BMX: variants seen among roughly 807,000 people sequenced by gnomAD.
BMX encodes the protein BMX non-receptor tyrosine kinase.
A neutral mutation model predicts 59.2 loss-of-function variants in BMX; 31 were observed. The observed-to-expected ratio is 0.52, with a 90% CI of 0.39 to 0.71. The LOEUF is 0.71. Among genes scored for constraint, BMX ranks in the 30% least tolerant of loss-of-function variants. BMX has a pLI of 0.00. For missense variants in BMX, 474 were observed against 491.7 expected, an observed-to-expected ratio of 0.96 and a Z score of 0.34; for synonymous variants, 185 against 181.0, an observed-to-expected ratio of 1.02 and a Z score of -0.18.
rs756208089 is a variant in BMX, at chrX:15,522,391, T to A, written c.556T>A (p.Ser186Thr). ...TCCTGTTCTCAAAATGGATGCACCATCTTCAAGTACCACTCTAGCCCAATA... is the reference window on the plus strand; with the variant it reads ...TCCTGTTCTCAAAATGGATGCACCAACTTCAAGTACCACTCTAGCCCAATA... ...AVPVLKMDAP[S>T]SSTTLAQYDN... Residue 186 changes from serine to threonine, a missense_variant, in exon 7 of 19, where the codon TCT becomes ACT. Coordinates refer to ENST00000348343, the MANE Select transcript of BMX (RefSeq NM_203281.3). 8.3e-7 allele frequency: 1 copy of A among 1,211,878 alleles called. No homozygotes were observed. Among genetic ancestry groups the A allele is most frequent in the East Asian group, 3.0e-5 (1 of 33,846 alleles).
intron 3 of BMX, among the ~76,000 whole-genome samples, chrX:15,511,198 T>A (rs1923941965): frequency 8.9e-6 from 1 of 112,214 alleles, no homozygotes; most frequent in Admixed American, 9.4e-5. Context: ...GAACTCAGTG[T>A]TCACCACTAC....
intron 11 of BMX, among the ~76,000 whole-genome samples, chrX:15,533,083 T>A (rs748797019): frequency 2.6e-4 from 29 of 112,832 alleles, no homozygotes; most frequent in African/African-American, 9.0e-4. Flanking sequence ...GAGTGAATTG[T>A]ATGCTGACAC....
chrX:15,512,049 G>A (rs912569796), intron 4 of BMX, among the ~76,000 whole-genome samples: 1 of 111,827 alleles, frequency 8.9e-6, no homozygotes, highest in African/African-American at 3.3e-5. Flanking sequence ...TTAAAACATG[G>A]CCACTGTCAT....
intron 14 of BMX, among the ~76,000 whole-genome samples, chrX:15,539,984 G>T (rs182380081): frequency 2.5e-3 from 285 of 112,383 alleles, no homozygotes; most frequent in African/African-American, 8.8e-3. Flanking sequence ...CTGTTGGTGG[G>T]AGTGTAAATT....
Position 15,536,376 on chromosome X carries a change from C to G in BMX, c.1171C>G (p.Pro391Ala), listed in dbSNP as rs754941859. The change falls in exon 13 of 19, where the codon CCT (proline) becomes GCT (alanine). Residue 391 changes from proline (P) to alanine (A), a missense_variant. Coordinates refer to ENST00000348343, the MANE Select transcript of BMX (RefSeq NM_203281.3). ...SAGMITRLRH[P>A]VSTKANKVPD... ...AGGCATGATCACACGGCTCCGCCAC[C>G]CTGTGTCAACAAAGGCCAACAAGGT... is the stretch of plus-strand genomic sequence containing the variant. The G allele has an allele frequency of 8.3e-7, 1 of 1,206,945 alleles. No individual in the cohort carries two copies. The highest frequency in any genetic ancestry group is 1.1e-6 in the Non-Finnish European group (1 of 893,773).
chrX:15,547,804 T>A, intron 17 of BMX, among the ~76,000 whole-genome samples: 1 of 112,387 alleles, frequency 8.9e-6, no homozygotes, highest in Middle Eastern at 4.6e-3. Flanking sequence ...CTACATTTTA[T>A]GATATTTTTT....
chrX:15,522,305 G>A, intron 6 of BMX, 41 bp from the exon 7 acceptor site: 1 of 1,192,893 alleles, frequency 8.4e-7, no homozygotes, highest in Non-Finnish European at 1.1e-6. Context: ...ACCTGAATCT[G>A]TGCCTCACTG....
chrX:15,537,224 G>A lies in BMX; in HGVS notation c.1313G>A (p.Gly438Glu). 1 of 1,210,529 alleles carries A rather than the reference G, an allele frequency of 8.3e-7. No homozygotes were observed. The highest frequency in any genetic ancestry group is 1.8e-5 in the South Asian group (1 of 56,855). The change falls in exon 14 of 19, where the codon GGG (glycine) becomes GAG (glutamate). Residue 438 changes from glycine (G) to glutamate (E), a missense_variant. Gly to Glu is a moderately conservative substitution (Grantham distance 98). Transcript: ENST00000348343. Reference sequence around the variant, plus strand: ...GTGGTCCAGCTGGGCAAGTGGAAGGGGCAGTATGATGTTGCTGTTAAGATG... The same window carrying A: ...GTGGTCCAGCTGGGCAAGTGGAAGGAGCAGTATGATGTTGCTGTTAAGATG... ...FGVVQLGKWK[G>E]QYDVAVKMIK...
chrX:15,514,417 A>G (rs1404499247), intron 4 of BMX, among the ~76,000 whole-genome samples: 1 of 111,578 alleles, frequency 9.0e-6, no homozygotes, highest in African/African-American at 3.3e-5. Flanking sequence ...GGTGCTTTAC[A>G]TACATTATCT....
chrX:15,528,607 G>A (rs767046789), intron 9 of BMX, among the ~76,000 whole-genome samples: 6 of 110,730 alleles, frequency 5.4e-5, no homozygotes, highest in African/African-American at 1.6e-4. Flanking sequence ...GTAGTGAGCC[G>A]AGATCATACC....
rs368145616 is a variant in BMX at position 15,536,334 on chromosome X, G to T, written c.1148-19G>T. ...ATATGATATAATGATGTGATGATATGATGCTGATTCCATTGCAGGCATGAT... is the reference window on the plus strand; with the variant it reads ...ATATGATATAATGATGTGATGATATTATGCTGATTCCATTGCAGGCATGAT... On this transcript the variant is annotated intron_variant, in intron 12 of 18. Transcript: ENST00000348343. The T allele has an allele frequency of 8.7e-5, 105 of 1,200,380 alleles. No individual in the cohort carries two copies. The East Asian group carries it at 1.2e-3, about 14-fold the overall frequency.
At chrX:15,529,768 A>G (rs1450186248) in intron 9 of BMX, among the ~76,000 whole-genome samples, 2 of 112,093 alleles carry the variant, frequency 1.8e-5, no homozygotes, top group Non-Finnish European at 3.8e-5. Flanking sequence ...TTAGATGTGC[A>G]GACTCCACCC....
intron 18 of BMX, among the ~76,000 whole-genome samples, chrX:15,550,779 A>G (rs1926161219): frequency 9.1e-6 from 1 of 110,446 alleles, no homozygotes; most frequent in Non-Finnish European, 1.9e-5. Flanking sequence ...GGTTTTTGCC[A>G]TAACTTTCAA....
chrX:15,547,995 G>A (rs767968692), intron 17 of BMX, among the ~76,000 whole-genome samples: 46 of 111,069 alleles, frequency 4.1e-4, no homozygotes, highest in Non-Finnish European at 7.9e-4. Context: ...TTCTCTATGT[G>A]ACACAATTTT....
rs1923549147 is a variant in BMX, at chrX:15,500,932, G to A, written c.-18G>A. On this transcript the variant is annotated 5_prime_UTR_variant, in exon 1 of 19. Transcript: ENST00000348343. ...GCGGACCCAGGCAAGCACGGAACAA[G>A]CTGAGACGGTGCGTTTAAGCGGCAG... is the stretch of plus-strand genomic sequence containing the variant. 1.3e-6 allele frequency: 1 copy of A among 754,663 alleles called. No homozygotes were observed. The highest frequency in any genetic ancestry group is 1.6e-6 in the Non-Finnish European group (1 of 639,462). 62.2% of individuals were successfully genotyped at this position (754,663 alleles called of 1,213,427 possible).
intron 9 of BMX, among the ~76,000 whole-genome samples, chrX:15,527,283 T>TATATATACACAC (rs1285065649): frequency 4.6e-5 from 3 of 65,865 alleles, no homozygotes; most frequent in African/African-American, 1.3e-4. Flanking sequence ...TATATATATA[T>TATATATACACAC]ACACACACAC....
At chrX:15,512,799 T>TA (rs1924012459) in intron 4 of BMX, among the ~76,000 whole-genome samples, 1 of 112,058 alleles carries the variant, frequency 8.9e-6, no homozygotes, top group Non-Finnish European at 1.9e-5. Context: ...GTGGTTACTG[T>TA]AGGGCTTCTA....
intron 16 of BMX, among the ~76,000 whole-genome samples, chrX:15,545,453 C>T (rs780298106): frequency 4.4e-5 from 5 of 112,568 alleles, no homozygotes; most frequent in South Asian, 3.6e-4. Context: ...CAGTAGCCTG[C>T]CAGCACTTGG....
rs746640879 is a variant in BMX at position 15,522,608 on chromosome X, G to A, written c.752+21G>A. ...AAAAGGTAATCCCCAGCTTTCAGACGGGCTGCCCAGCATGTAGAGTAAACA... is the reference window on the plus strand; with the variant it reads ...AAAAGGTAATCCCCAGCTTTCAGACAGGCTGCCCAGCATGTAGAGTAAACA... On this transcript the variant is annotated intron_variant, in intron 7 of 18. Transcript: ENST00000348343. The A allele has an allele frequency of 1.3e-5, 16 of 1,207,140 alleles. No individual in the cohort carries two copies. In the East Asian group the frequency reaches 2.4e-4, roughly 18 times the overall value.
Sources: gnomAD v4.1 joint callset for allele counts (sites outside exome capture counted in the v4.1 genomes callset) on GRCh38, gnomAD v4.1.1 for gene constraint, MANE v1.5 for transcripts, NCBI Gene and HGNC (gene_info 2026-07-23, HGNC 2026-07-21) for gene names.